The following UTP15 variants were observed in gnomAD, a reference collection of about 807,000 sequenced individuals.
UTP15 encodes the protein U3 small nucleolar RNA-associated protein 15 homolog.
A neutral mutation model predicts 59.1 loss-of-function variants in UTP15; 5 were observed. The observed-to-expected ratio is 0.08, with a 90% CI of 0.04 to 0.18. The LOEUF is 0.18. Among genes scored for constraint, UTP15 ranks in the 10% least tolerant of loss-of-function variants. The pLI is 1.00. For missense variants in UTP15, 494 were observed against 616.7 expected (o/e 0.80, Z 2.11); for synonymous variants, 211 against 212.2 (o/e 0.99, Z 0.05).
At chr5:73,572,965 G>A (rs895910704) in intron 7 of UTP15, among the ~76,000 whole-genome samples, 2 of 151,792 alleles carry the variant, frequency 1.3e-5, no homozygotes, top group Non-Finnish European at 2.9e-5. Flanking sequence ...GCCCGGCTAA[G>A]TTTTTTATTT....
chr5:73,581,429 T>C lies in UTP15; in HGVS notation c.*1335T>C, dbSNP rs903309153. On this transcript the variant is annotated 3_prime_UTR_variant, in exon 13 of 13. Transcript: ENST00000296792. ...GTATCTGTTCCTGATAGATAATCAT[T>C]GGCTAGTAACTCCTAGTACACTGGT... The C allele has an allele frequency of 1.3e-5, 2 of 152,182 alleles. No homozygotes were observed. Among genetic ancestry groups the C allele is most frequent in the African/African-American group, 4.8e-5 (2 of 41,448 alleles). 9.4% of individuals were successfully genotyped at this position (152,182 alleles called of 1,614,324 possible).
rs974940581 is a variant in UTP15, at chr5:73,572,793, CTTCTT to C, written c.809+182_809+186del. On this transcript the variant is annotated intron_variant, in intron 7 of 12. Transcript: ENST00000296792. ...TTGACCTTTTGTTTACATATAGCTA[CTTCTT>C]TTCTTTTCTTTTTTTTTGAGACAGA... Among the ~76,000 whole-genome samples the C allele has an allele frequency of 4.6e-5, 7 of 151,906 alleles. No individual in the cohort carries two copies. The East Asian group carries it at 1.2e-3, about 25-fold the overall frequency.
At position 73,565,925 on chromosome 5, in the gene UTP15, G is replaced by A. The variant is rs1747740270; in HGVS notation, c.-84+13G>A. 4.4e-6 allele frequency: 2 copies of A among 455,634 alleles called. No homozygotes were observed. Among genetic ancestry groups the A allele is most frequent in the Non-Finnish European group, 8.8e-6 (2 of 226,758 alleles). The allele number at this position is 455,634 out of a possible 1,614,324, so 28.2% of individuals were successfully genotyped here. A position where few individuals can be genotyped will look rare whatever the true frequency, so the allele number is the denominator to read the frequency against. On this transcript the variant is annotated intron_variant, in intron 1 of 12. Transcript: ENST00000296792. ...GGGCTCAGTGGAGGTAGGTGAAGGC[G>A]GCTCCCATTGAGGGAAGCCCACACT... is the stretch of plus-strand genomic sequence containing the variant.
rs998570940 is a variant in UTP15 at position 73,583,036 on chromosome 5, G to A, written c.*2942G>A. 3 of 152,154 alleles carry A rather than the reference G, an allele frequency of 2.0e-5. No individual in the cohort carries two copies. The highest frequency in any genetic ancestry group is 2.9e-5 in the Non-Finnish European group (2 of 68,026). The allele number at this position is 152,154 out of a possible 1,614,324, so 9.4% of individuals were successfully genotyped here. ...TATAAATGCTATTAAGTTGTTTAAA[G>A]GAATTTGAATTGTAAATGGGATTGT... is the stretch of plus-strand genomic sequence containing the variant. On this transcript the variant is annotated 3_prime_UTR_variant, in exon 13 of 13. Coordinates refer to ENST00000296792, the MANE Select transcript of UTP15 (RefSeq NM_032175.4).
chr5:73,575,153 C>T (rs894600857), intron 7 of UTP15, among the ~76,000 whole-genome samples: 7 of 152,148 alleles, frequency 4.6e-5, no homozygotes, highest in Admixed American at 1.3e-4. Flanking sequence ...ATTGACTGTA[C>T]ATATTTTAAA....
Position 73,572,567 on chromosome 5 carries a change from T to A in UTP15, c.752T>A (p.Val251Glu). The A allele has an allele frequency of 6.2e-7, 1 of 1,614,206 alleles. No homozygotes were observed. The highest frequency in any genetic ancestry group is 8.5e-7 in the Non-Finnish European group (1 of 1,180,026). Residue 251 changes from valine to glutamate, a missense_variant, in exon 7 of 13, where the codon GTG becomes GAG. Val to Glu is a moderately radical substitution (Grantham distance 121, BLOSUM62 -2). Transcript: ENST00000296792. ...LVSLKNHHKTVTCLCLSSSGQ... is the reference protein window; with the variant it reads ...LVSLKNHHKTETCLCLSSSGQ... ...TCTTTGAAAAATCATCACAAAACCG[T>A]GACATGTTTATGTCTAAGCAGCTCT...
At chr5:73,578,599 G>C in intron 9 of UTP15, 152 bp from the exon 10 acceptor site, 1 of 592,234 alleles carries the variant, frequency 1.7e-6, no homozygotes, top group Non-Finnish European at 2.9e-6. Flanking sequence ...CTGATTAGCA[G>C]GATGCATTTT....
chr5:73,566,874 G>T lies in UTP15; in HGVS notation c.-83-388G>T, dbSNP rs530367807. Among the ~76,000 whole-genome samples the T allele has an allele frequency of 4.6e-5, 7 of 152,284 alleles. No homozygotes were observed. The South Asian group carries it at 1.4e-3, about 32-fold the overall frequency. ...CAAATCCGTAACTATAATTGTTATA[G>T]ATTAAATGTCATCTTAAACTTGGTT... On this transcript the variant is annotated intron_variant, in intron 1 of 12. Transcript: ENST00000296792.
At chr5:73,570,924 C>G (rs1747913834) in intron 6 of UTP15, among the ~76,000 whole-genome samples, 1 of 152,180 alleles carries the variant, frequency 6.6e-6, no homozygotes, top group African/African-American at 2.4e-5. Context: ...CTCTAATGCC[C>G]TAGATGATGC....
In UTP15 at chr5:73,579,117, A is replaced by C. The variant is rs751356283; in HGVS notation, c.1247A>C (p.Lys416Thr). Residue 416 changes from lysine (K) to threonine (T), a missense_variant, in exon 11 of 13, where the codon AAG becomes ACG. Lys to Thr is a moderately conservative substitution (Grantham distance 78). Coordinates refer to ENST00000296792, the MANE Select transcript of UTP15 (RefSeq NM_032175.4). ...LANALAGRDEKEISHVLNFLI... is the reference protein window; with the variant it reads ...LANALAGRDETEISHVLNFLI... Reference sequence around the variant, plus strand: ...AATGCGCTTGCAGGTCGGGATGAGAAGGAAATCAGTCATGTTCTTAATTTT... The same window carrying C: ...AATGCGCTTGCAGGTCGGGATGAGACGGAAATCAGTCATGTTCTTAATTTT... 1 of 1,613,926 alleles carries C rather than the reference A, an allele frequency of 6.2e-7. No homozygotes were observed.
Position 73,569,669 on chromosome 5 carries a change from A to C in UTP15, c.541A>C (p.Ile181Leu), listed in dbSNP as rs374171247. The change falls in exon 5 of 13, where the codon ATA (isoleucine) becomes CTA (leucine). Residue 181 changes from isoleucine (I) to leucine (L), a missense_variant. Coordinates refer to ENST00000296792, the MANE Select transcript of UTP15 (RefSeq NM_032175.4). ...CASKLNPDLFITGSYDHTVKM... is the reference protein window; with the variant it reads ...CASKLNPDLFLTGSYDHTVKM... The stretch of plus-strand genomic sequence containing the variant: ...TAGCAAACTTAATCCGGATCTCTTT[A>C]TAACAGGTTGGTGAACTCTATTCCC... The C allele has an allele frequency of 6.2e-7, 1 of 1,604,898 alleles. No individual in the cohort carries two copies. Among genetic ancestry groups the C allele is most frequent in the Non-Finnish European group, 8.5e-7 (1 of 1,175,564 alleles).
rs1408792531 is a variant in UTP15 at position 73,570,598 on chromosome 5, A to G, written c.560A>G (p.His187Arg). The G allele has an allele frequency of 1.2e-6, 2 of 1,614,188 alleles. No homozygotes were observed. The highest frequency in any genetic ancestry group is 1.7e-5 in the Admixed American group (1 of 60,030). ...PDLFITGSYDHTVKMFDARTS... is the reference protein window; with the variant it reads ...PDLFITGSYDRTVKMFDARTS... Reference sequence around the variant, plus strand: ...ATTGACATTTTAGGATCATATGATCATACTGTGAAGATGTTTGATGCACGA... The same window carrying G: ...ATTGACATTTTAGGATCATATGATCGTACTGTGAAGATGTTTGATGCACGA... The change falls in exon 6 of 13, where the codon CAT becomes CGT. Residue 187 changes from histidine (H) to arginine (R), a missense_variant. Transcript: ENST00000296792.
chr5:73,571,193 A>T (rs1747921768), intron 6 of UTP15, among the ~76,000 whole-genome samples: 1 of 151,236 alleles, frequency 6.6e-6, no homozygotes, highest in African/African-American at 2.4e-5. Flanking sequence ...AACCCCAGAA[A>T]TTTAGCTCAT....
chr5:73,566,532 C>T (rs1747772708), intron 1 of UTP15, among the ~76,000 whole-genome samples: 1 of 152,146 alleles, frequency 6.6e-6, no homozygotes, highest in Non-Finnish European at 1.5e-5. Flanking sequence ...ACCTATTTAT[C>T]GTGGTGTTAC....
intron 9 of UTP15, chr5:73,578,319 C>T: frequency 3.2e-6 from 1 of 314,564 alleles, no homozygotes; most frequent in Non-Finnish European, 5.9e-6. Context: ...CCCTGTTTGG[C>T]ACCTGAGAAG....
chr5:73,579,177 AC>A (rs1748220700), intron 11 of UTP15, 27 bp downstream of exon 11: 1 of 1,612,464 alleles, frequency 6.2e-7, no homozygotes, highest in East Asian at 2.2e-5. Flanking sequence ...TGAAACACTT[AC>A]ATTTTGCATC....
chr5:73,579,190 G>C, intron 11 of UTP15, 40 bp downstream of exon 11: 1 of 1,611,354 alleles, frequency 6.2e-7, no homozygotes, highest in Non-Finnish European at 8.5e-7. Flanking sequence ...TTTTGCATCT[G>C]AAATCCTTTA....
rs903336167 is a variant in UTP15, at chr5:73,577,006, T to C, written c.864T>C (p.Tyr288=). Residue 288 remains tyrosine (Y), a synonymous_variant, in exon 8 of 13, where the codon TAT becomes TAC. Coordinates refer to ENST00000296792, the MANE Select transcript of UTP15 (RefSeq NM_032175.4). ...ACAAAGTAGTCCACAGTTTTGATTA[T>C]GCAGCTTCAATTTTGAGTCTTGCCC... ...TSYKVVHSFD[Y]AASILSLALA... is the part of the protein sequence containing the mutation. The C allele has an allele frequency of 6.2e-7, 1 of 1,611,588 alleles. No homozygotes were observed. Among genetic ancestry groups the C allele is most frequent in the Non-Finnish European group, 8.5e-7 (1 of 1,179,394 alleles).
At position 73,579,303 on chromosome 5, in the gene UTP15, T is replaced by G; in HGVS notation, c.1281-14T>G. On this transcript the variant is annotated splice_polypyrimidine_tract_variant and intron_variant, in intron 11 of 12. Coordinates refer to ENST00000296792, the MANE Select transcript of UTP15 (RefSeq NM_032175.4). Reference sequence around the variant, plus strand: ...AGTTTACAAGTTTCACTAAACTGAATTTTTACTTTGTAGGAATCTTTCTCA... The same window carrying G: ...AGTTTACAAGTTTCACTAAACTGAAGTTTTACTTTGTAGGAATCTTTCTCA... The G allele has an allele frequency of 6.2e-7, 1 of 1,605,520 alleles. No homozygotes were observed. The highest frequency in any genetic ancestry group is 1.1e-5 in the South Asian group (1 of 88,502).
Sources: allele counts gnomAD v4.1 joint callset (sites outside exome capture counted in the v4.1 genomes callset), GRCh38; gene constraint gnomAD v4.1.1; transcripts MANE v1.5; gene names NCBI Gene and HGNC (gene_info 2026-07-23, HGNC 2026-07-21).